Variants in SUZ12 observed in about 807,000 individuals in gnomAD.
The protein encoded by SUZ12 is SUZ12 polycomb repressive complex 2 subunit, also known as polycomb protein SUZ12.
A neutral mutation model predicts 87.3 loss-of-function variants in SUZ12; 17 were observed. The observed-to-expected ratio is 0.19, with a 90% CI of 0.13 to 0.29. The LOEUF (loss-of-function observed/expected upper bound fraction) is 0.29, where lower values mean the gene tolerates loss of function less well. Among genes scored for constraint, SUZ12 ranks in the 10% least tolerant of loss-of-function variants. The pLI, the probability that SUZ12 is intolerant of heterozygous loss-of-function variation, is 1.00. For synonymous variants in SUZ12, 253 were observed against 312.4 expected (o/e 0.81, Z 2.01); for missense variants, 526 against 912.2 (o/e 0.58, Z 5.45).
chr17:31,954,095 C>CT (rs1231719428), intron 4 of SUZ12, among the ~76,000 whole-genome samples: 2 of 151,122 alleles, frequency 1.3e-5, no homozygotes, highest in Admixed American at 1.3e-4. Flanking sequence ...CAGAGTCTTG[C>CT]TTTGTTGCCC....
intron 12 of SUZ12, 78 bp downstream of exon 12, chr17:31,994,086 A>C: frequency 7.3e-7 from 1 of 1,379,184 alleles, no homozygotes; most frequent in African/African-American, 1.5e-5. Flanking sequence ...CTATGTACCC[A>C]CAAAAATTTT....
intron 3 of SUZ12, among the ~76,000 whole-genome samples, chr17:31,943,908 G>A (rs1473186926): frequency 1.3e-5 from 2 of 151,960 alleles, no homozygotes; most frequent in African/African-American, 4.8e-5. Context: ...ATGTTGGTCA[G>A]GCTGGTCTCA....
intron 10 of SUZ12, among the ~76,000 whole-genome samples, chr17:31,989,811 T>G (rs535680518): frequency 1.4e-3 from 214 of 148,762 alleles, no homozygotes; most frequent in Middle Eastern, 7.0e-3. Context: ...GGGTTTCACC[T>G]TGTTAGCCAG....
chr17:31,993,997 T>G lies in SUZ12; in HGVS notation c.1426T>G (p.Phe476Val). The G allele has an allele frequency of 6.2e-7, 1 of 1,611,448 alleles. No homozygotes were observed. The highest frequency in any genetic ancestry group is 8.5e-7 in the Non-Finnish European group (1 of 1,179,370). The change falls in exon 12 of 16, where the codon TTC (phenylalanine) becomes GTC (valine). Residue 476 changes from phenylalanine to valine, a missense_variant. Coordinates refer to ENST00000322652, the MANE Select transcript of SUZ12 (RefSeq NM_015355.4). ...TAAACTCTGCCATAGCAGATTTATC[T>G]TCAACTATGTTGTGAGTAATTTTTC... ...HLKLCHSRFI[F>V]NYVYHPKGAR...
chr17:31,984,116 T>C (rs1358391127), intron 9 of SUZ12, among the ~76,000 whole-genome samples: 1 of 152,224 alleles, frequency 6.6e-6, no homozygotes, highest in Non-Finnish European at 1.5e-5. Flanking sequence ...TTACCAGTTT[T>C]AGTATGATAT....
intron 4 of SUZ12, among the ~76,000 whole-genome samples, chr17:31,955,656 G>A (rs1451822954): frequency 6.6e-6 from 1 of 151,938 alleles, no homozygotes; most frequent in Non-Finnish European, 1.5e-5. Flanking sequence ...GCTGAGGCAG[G>A]AGAATCGCTT....
chr17:31,988,597 C>CTT (rs57744180), intron 10 of SUZ12, 100 bp downstream of exon 10: 98,721 of 952,972 alleles, frequency 0.1, 1,490 homozygotes, highest in Middle Eastern at 0.15. Flanking sequence ...TGTGATTCTT[C>CTT]TTTTTTTTTT....
intron 9 of SUZ12, among the ~76,000 whole-genome samples, chr17:31,987,704 G>T (rs1372563742): frequency 1.3e-5 from 2 of 152,114 alleles, no homozygotes; most frequent in Non-Finnish European, 2.9e-5. Context: ...GCCGAGGCAG[G>T]CAAATCACCT....
At chr17:31,939,157 T>TA (rs1906119843) in intron 1 of SUZ12, among the ~76,000 whole-genome samples, 1 of 152,194 alleles carries the variant, frequency 6.6e-6, no homozygotes, top group Non-Finnish European at 1.5e-5. Context: ...GTCAATTGTG[T>TA]AAAAAATGTA....
At chr17:31,984,369 T>C (rs533344397) in intron 9 of SUZ12, among the ~76,000 whole-genome samples, 1 of 152,254 alleles carries the variant, frequency 6.6e-6, no homozygotes, top group African/African-American at 2.4e-5. Context: ...CCTAATACAT[T>C]CTGCAAGGCT....
intron 14 of SUZ12, among the ~76,000 whole-genome samples, chr17:31,996,276 T>TAG (rs1404207367): frequency 1.3e-5 from 2 of 152,198 alleles, no homozygotes; most frequent in Non-Finnish European, 2.9e-5. Flanking sequence ...TTGTATTGTG[T>TAG]GTTTTCATTT....
chr17:31,989,527 C>T (rs914355649), intron 10 of SUZ12, among the ~76,000 whole-genome samples: 4 of 152,126 alleles, frequency 2.6e-5, no homozygotes, highest in African/African-American at 9.7e-5. Context: ...TATTGGTTTT[C>T]AGATTAGCTT....
chr17:31,944,602 A>G (rs1906506933), intron 3 of SUZ12, among the ~76,000 whole-genome samples: 1 of 151,772 alleles, frequency 6.6e-6, no homozygotes, highest in South Asian at 2.1e-4. Flanking sequence ...AAGTCTGGGG[A>G]ATTTTTAAGC....
intron 3 of SUZ12, 72 bp downstream of exon 3, chr17:31,940,558 A>G (rs367982418): frequency 1.1e-5 from 16 of 1,510,710 alleles, no homozygotes; most frequent in Non-Finnish European, 1.3e-5. Flanking sequence ...ATTTCTCAAA[A>G]TTAAAAAAAA....
intron 8 of SUZ12, among the ~76,000 whole-genome samples, chr17:31,979,498 C>T (rs893749708): frequency 3.3e-5 from 5 of 152,164 alleles, no homozygotes; most frequent in African/African-American, 1.2e-4. Context: ...GAATAGTCCC[C>T]CTAGCCTTTC....
intron 1 of SUZ12, among the ~76,000 whole-genome samples, chr17:31,939,952 A>G (rs992302289): frequency 1.3e-5 from 2 of 152,230 alleles, no homozygotes; most frequent in African/African-American, 2.4e-5. Context: ...AAAATCGGTA[A>G]TAAATAGTTT....
In SUZ12 at chr17:31,956,750, G is replaced by A. The variant is rs931136804; in HGVS notation, c.455+9065G>A. 4.6e-5 allele frequency among the ~76,000 whole-genome samples: 7 copies of A among 151,200 alleles called. No homozygotes were observed. The East Asian group carries it at 5.8e-4, about 13-fold the overall frequency. Reference sequence around the variant, plus strand: ...TATTTTATTTTCTCTCTATATATACGTGTGTGTGTGTATATATATGTATAT... The same window carrying A: ...TATTTTATTTTCTCTCTATATATACATGTGTGTGTGTATATATATGTATAT... On this transcript the variant is annotated intron_variant, in intron 4 of 15. Transcript: ENST00000322652.
chr17:31,999,009 T>TCTAA lies in SUZ12; in HGVS notation c.*8_*11dup. 1 of 1,525,598 alleles carries TCTAA rather than the reference T, an allele frequency of 6.6e-7. No individual in the cohort carries two copies. Among genetic ancestry groups the TCTAA allele is most frequent in the Non-Finnish European group, 8.8e-7 (1 of 1,142,592 alleles). The allele number at this position is 1,525,598 out of a possible 1,614,324, so 94.5% of individuals were successfully genotyped here. A position where few individuals can be genotyped will look rare whatever the true frequency, so the allele number is the denominator to read the frequency against. On this transcript the variant is annotated 3_prime_UTR_variant, in exon 16 of 16. Coordinates refer to ENST00000322652, the MANE Select transcript of SUZ12 (RefSeq NM_015355.4). ...GCAAAAAACAAAAACTCTGAAAAGC[T>TCTAA]CTAACCCCATGTTATGGACAAACAC...
intron 4 of SUZ12, 99 bp from the exon 5 acceptor site, chr17:31,966,048 G>A (rs1467614911): frequency 5.9e-6 from 6 of 1,019,928 alleles, no homozygotes; most frequent in Admixed American, 2.8e-5. Flanking sequence ...TTTATAAATT[G>A]GTTGAAGTAA....
Sources: gnomAD v4.1 joint callset for allele counts (sites outside exome capture counted in the v4.1 genomes callset) on GRCh38, gnomAD v4.1.1 for gene constraint, MANE v1.5 for transcripts, NCBI Gene and HGNC (gene_info 2026-07-23, HGNC 2026-07-21) for gene names.